The following CAPS2 variants were observed in gnomAD, a reference collection of about 807,000 sequenced individuals.
CAPS2 encodes calcyphosine 2, also known as calcyphosin-2.
A neutral mutation model predicts 86.5 loss-of-function variants in CAPS2; 98 were observed. The observed-to-expected ratio is 1.13, with a 90% CI of 0.96 to 1.34. CAPS2 has a LOEUF of 1.34. Ranked by LOEUF, CAPS2 falls within the 40% of genes most tolerant of loss-of-function variation. The probability of loss-of-function intolerance (pLI) is 0.00; values close to 1 mark genes in which losing one functional copy is unlikely to be tolerated. For synonymous variants in CAPS2, 210 were observed against 225.1 expected (o/e 0.93, Z 0.60); for missense variants, 729 against 686.8 (o/e 1.06, Z -0.69).
chr12:75,317,734 A>G (rs1384739475), intron 5 of CAPS2, among the ~76,000 whole-genome samples: 1 of 152,196 alleles, frequency 6.6e-6, no homozygotes. Flanking sequence ...ATGATTTGAT[A>G]TACATATAGA....
chr12:75,300,538 AG>A (rs2037665873), intron 8 of CAPS2, among the ~76,000 whole-genome samples: 1 of 134,156 alleles, frequency 7.5e-6, no homozygotes, highest in Non-Finnish European at 1.6e-5. Flanking sequence ...CCTGGGCGAC[AG>A]AGCCAGACTC....
chr12:75,387,591 A>T lies in CAPS2; in HGVS notation c.-395+3247T>A, dbSNP rs376985939. On this transcript the variant is annotated intron_variant, in intron 1 of 5. Coordinates refer to the CAPS2 transcript ENST00000551829. ...CTGAAACTGAGTAAGTTATAAAGAAAAGGAATTGACTTCTTAGAATTATGG... is the reference window on the plus strand; with the variant it reads ...CTGAAACTGAGTAAGTTATAAAGAATAGGAATTGACTTCTTAGAATTATGG... Among the ~76,000 whole-genome samples the T allele has an allele frequency of 3.3e-5, 5 of 152,306 alleles. No homozygotes were observed. In the South Asian group the frequency reaches 1.0e-3, roughly 32 times the overall value.
intron 13 of CAPS2, among the ~76,000 whole-genome samples, chr12:75,290,316 T>C (rs2035617068): frequency 6.6e-6 from 1 of 152,236 alleles, no homozygotes. Flanking sequence ...CATAAGAGGT[T>C]ATTTGCTTAG....
upstream of CAPS2, chr12:75,330,091 G>A (rs2041165029): frequency 5.1e-6 from 2 of 392,122 alleles, no homozygotes; most frequent in South Asian, 1.0e-4. Context: ...GCAGCGCAGG[G>A]CTTCTGATTA....
chr12:75,351,929 G>C (rs1228620627), intron 1 of CAPS2, among the ~76,000 whole-genome samples: 3 of 149,904 alleles, frequency 2.0e-5, no homozygotes, highest in Non-Finnish European at 4.4e-5. Context: ...AAGGAGAAAT[G>C]AGATTTTTTT....
At chr12:75,382,946 T>C (rs1006167846) in intron 1 of CAPS2, among the ~76,000 whole-genome samples, 1 of 152,174 alleles carries the variant, frequency 6.6e-6, no homozygotes, top group Non-Finnish European at 1.5e-5. Context: ...TCCAATGCCC[T>C]CAGGAAACCG....
intron 1 of CAPS2, among the ~76,000 whole-genome samples, chr12:75,348,145 G>C (rs1474737539): frequency 1.3e-5 from 2 of 152,152 alleles, no homozygotes; most frequent in Non-Finnish European, 2.9e-5. Context: ...TTGTCTTGCT[G>C]ATAATTGCAT....
intron 16 of CAPS2, among the ~76,000 whole-genome samples, chr12:75,280,281 A>G (rs1298099227): frequency 6.6e-6 from 1 of 151,880 alleles, no homozygotes; most frequent in African/African-American, 2.4e-5. Flanking sequence ...TATATCCCAG[A>G]GGTGCGCATG....
chr12:75,384,244 AGATT>A (rs1191990472), intron 1 of CAPS2, among the ~76,000 whole-genome samples: 1 of 152,182 alleles, frequency 6.6e-6, no homozygotes, highest in Non-Finnish European at 1.5e-5. Flanking sequence ...GGCATAAATA[AGATT>A]GATAAGCTTC....
chr12:75,368,473 C>T (rs759858696), intron 1 of CAPS2, among the ~76,000 whole-genome samples: 5 of 151,492 alleles, frequency 3.3e-5, no homozygotes, highest in South Asian at 2.1e-4. Context: ...TGTAAAATTT[C>T]GAAAGGTACC....
At position 75,287,554 on chromosome 12, in the gene CAPS2, T is replaced by C. The variant is rs147589427; in HGVS notation, c.1395+2067A>G. 7.2e-5 allele frequency among the ~76,000 whole-genome samples: 11 copies of C among 152,250 alleles called. No homozygotes were observed. The East Asian group carries it at 2.1e-3, about 29-fold the overall frequency. ...GTTATGCATGTATCAGTCATGTCTATCCAATGTAGTCTCCATAGAAAAGCC... is the reference window on the plus strand; with the variant it reads ...GTTATGCATGTATCAGTCATGTCTACCCAATGTAGTCTCCATAGAAAAGCC... On this transcript the variant is annotated intron_variant, in intron 14 of 16. Transcript: ENST00000393284.
At chr12:75,292,464 T>C (rs1023879624) in intron 12 of CAPS2, among the ~76,000 whole-genome samples, 1 of 151,580 alleles carries the variant, frequency 6.6e-6, no homozygotes, top group Non-Finnish European at 1.5e-5. Flanking sequence ...TGAAAAACTA[T>C]TATTTTTAAA....
chr12:75,298,022 A>C (rs1266909691), intron 11 of CAPS2, among the ~76,000 whole-genome samples: 2 of 152,188 alleles, frequency 1.3e-5, no homozygotes, highest in Admixed American at 1.3e-4. Context: ...GCTCCAAAAA[A>C]GCAGGGAATG....
chr12:75,319,401 C>A (rs113843524), intron 5 of CAPS2, among the ~76,000 whole-genome samples: 1 of 152,096 alleles, frequency 6.6e-6, no homozygotes, highest in East Asian at 1.9e-4. Flanking sequence ...CTGGCACCTT[C>A]GCATGCTCTC....
intron 1 of CAPS2, among the ~76,000 whole-genome samples, chr12:75,357,739 A>G (rs2043245902): frequency 1.3e-5 from 2 of 152,076 alleles, no homozygotes; most frequent in South Asian, 4.1e-4. Context: ...TTTGAATACT[A>G]ACATACTTCT....
chr12:75,337,998 C>T (rs991844558), intron 1 of CAPS2, among the ~76,000 whole-genome samples: 8 of 151,876 alleles, frequency 5.3e-5, no homozygotes, highest in East Asian at 1.9e-4. Context: ...AAATTAAATA[C>T]GTAATTTAAA....
chr12:75,283,304 A>G (rs982299178), intron 15 of CAPS2, among the ~76,000 whole-genome samples: 4 of 152,200 alleles, frequency 2.6e-5, no homozygotes, highest in Admixed American at 1.3e-4. Context: ...GGTCAAAACT[A>G]GAATCAAGTC....
chr12:75,346,363 C>T (rs1020614599), intron 1 of CAPS2, among the ~76,000 whole-genome samples: 1 of 152,186 alleles, frequency 6.6e-6, no homozygotes, highest in Non-Finnish European at 1.5e-5. Flanking sequence ...CACTTACTCA[C>T]CAAAACCACA....
chr12:75,388,934 G>A (rs2045431221), intron 1 of CAPS2, among the ~76,000 whole-genome samples: 1 of 151,920 alleles, frequency 6.6e-6, no homozygotes. Flanking sequence ...GTTTTGTTGT[G>A]AACCTAAAAC....
Sources: gnomAD v4.1 joint callset for allele counts (sites outside exome capture counted in the v4.1 genomes callset) on GRCh38, gnomAD v4.1.1 for gene constraint, MANE v1.5 for transcripts, NCBI Gene and HGNC (gene_info 2026-07-23, HGNC 2026-07-21) for gene names.